Variants in MRC2 observed in about 807,000 individuals in gnomAD.
MRC2 encodes the protein mannose receptor C-type 2, also known as C-type mannose receptor 2.
In MRC2, 84 loss-of-function variants were observed where a neutral mutation model predicts 206.2. The observed-to-expected ratio is 0.41, with a 90% CI of 0.34 to 0.49. MRC2 has a LOEUF of 0.49. Ranked by LOEUF, MRC2 falls within the 20% of genes least tolerant of loss-of-function variation. The probability of loss-of-function intolerance (pLI) is 0.31; values close to 1 mark genes in which losing one functional copy is unlikely to be tolerated. For missense variants in MRC2, 1,676 were observed against 2,001.5 expected, an observed-to-expected ratio of 0.84 and a Z score of 3.10; for synonymous variants, 798 against 800.0, an observed-to-expected ratio of 1.00 and a Z score of 0.04.
intron 1 of MRC2, among the ~76,000 whole-genome samples, chr17:62,656,565 A>G (rs766416702): frequency 6.6e-6 from 1 of 152,232 alleles, no homozygotes; most frequent in Non-Finnish European, 1.5e-5. Context: ...AAAGCCCCCA[A>G]GGGAGCAGCC....
At chr17:62,686,214 AG>A (rs1451145908) in intron 20 of MRC2, among the ~76,000 whole-genome samples, 2 of 152,154 alleles carry the variant, frequency 1.3e-5, no homozygotes, top group Non-Finnish European at 2.9e-5. Flanking sequence ...GCACTTTGGG[AG>A]GCCTAGGTGG....
rs1045021498 is a variant in MRC2 at position 62,664,053 on chromosome 17, G to A, written c.119-495G>A. Reference sequence around the variant, plus strand: ...CGGCTCACTGCAAGCTCCGCCTCCCGGGTTCACGCCATTCTCCTGCCTCAG... The same window carrying A: ...CGGCTCACTGCAAGCTCCGCCTCCCAGGTTCACGCCATTCTCCTGCCTCAG... On this transcript the variant is annotated intron_variant, in intron 1 of 29. Transcript: ENST00000303375. The surrounding 1 kb of genome is among the most constrained non-coding windows in gnomAD (Gnocchi z 4.7). Among the ~76,000 whole-genome samples, 20 of 146,022 alleles carry A rather than the reference G, an allele frequency of 1.4e-4. No homozygotes were observed. In the South Asian group the frequency reaches 2.7e-3, roughly 20 times the overall value.
At chr17:62,634,325 G>C (rs2088284770) in intron 1 of MRC2, among the ~76,000 whole-genome samples, 1 of 151,816 alleles carries the variant, frequency 6.6e-6, no homozygotes, top group Non-Finnish European at 1.5e-5. Flanking sequence ...TTTTGAGATG[G>C]AGTCTCACTC....
At position 62,664,217 on chromosome 17, in the gene MRC2, C is replaced by T. The variant is rs1158205281; in HGVS notation, c.119-331C>T. ...CTCGTGATCCGCCCGCCTCGGCCTCCCAAAGTGCTGGGATTACAGGCGTGA... is the reference window on the plus strand; with the variant it reads ...CTCGTGATCCGCCCGCCTCGGCCTCTCAAAGTGCTGGGATTACAGGCGTGA... On this transcript the variant is annotated intron_variant, in intron 1 of 29. Coordinates refer to ENST00000303375, the MANE Select transcript of MRC2 (RefSeq NM_006039.5). This position sits in a 1 kb window ranked among gnomAD's most constrained non-coding sequence, Gnocchi z 4.7. Among the ~76,000 whole-genome samples the T allele has an allele frequency of 3.3e-5, 5 of 152,026 alleles. No homozygotes were observed. The highest frequency in any genetic ancestry group is 1.9e-4 in the East Asian group (1 of 5,172).
In MRC2 at chr17:62,680,427, T is replaced by G; in HGVS notation, c.2447T>G (p.Val816Gly). 6.2e-7 allele frequency: 1 copy of G among 1,614,086 alleles called. No individual in the cohort carries two copies. The highest frequency in any genetic ancestry group is 8.5e-7 in the Non-Finnish European group (1 of 1,179,994). The change falls in exon 16 of 30, where the codon GTG (valine) becomes GGG (glycine). Residue 816 changes from valine (V) to glycine (G), a missense_variant. Physicochemically the swap from Val to Gly is moderately radical, Grantham distance 109. Coordinates refer to ENST00000303375, the MANE Select transcript of MRC2 (RefSeq NM_006039.5). The surrounding 1 kb of genome is among the most constrained non-coding windows in gnomAD (Gnocchi z 4.8). ...WICKIPRGTDVREPDDSPQGR... is the reference protein window; with the variant it reads ...WICKIPRGTDGREPDDSPQGR... ...GTCCTTGTTCCCCTAGGTACGGACG[T>G]GCGGGAGCCCGACGACAGCCCTCAA... is the stretch of plus-strand genomic sequence containing the variant.
Position 62,691,135 on chromosome 17 carries a change from G to T in MRC2, c.4192+7G>T, listed in dbSNP as rs367702008. 6.3e-7 allele frequency: 1 copy of T among 1,593,382 alleles called. No homozygotes were observed. Among genetic ancestry groups the T allele is most frequent in the South Asian group, 1.1e-5 (1 of 87,944 alleles). Reference sequence around the variant, plus strand: ...GTCTGCAAGCTTCCTCGTGGTGAGCGCCGGGCAGGCCCACGCTCAGCCTCC... The same window carrying T: ...GTCTGCAAGCTTCCTCGTGGTGAGCTCCGGGCAGGCCCACGCTCAGCCTCC... On this transcript the variant is annotated splice_region_variant and intron_variant, in intron 28 of 29. Coordinates refer to ENST00000303375, the MANE Select transcript of MRC2 (RefSeq NM_006039.5).
At chr17:62,645,476 TA>T (rs1450341575) in intron 1 of MRC2, among the ~76,000 whole-genome samples, 1 of 133,206 alleles carries the variant, frequency 7.5e-6, no homozygotes, top group East Asian at 2.3e-4. Flanking sequence ...TATATACACA[TA>T]ATATGTGTGT....
At chr17:62,636,297 A>G (rs1325591276) in intron 1 of MRC2, among the ~76,000 whole-genome samples, 1 of 151,392 alleles carries the variant, frequency 6.6e-6, no homozygotes, top group Non-Finnish European at 1.5e-5. Flanking sequence ...AAACATTCAA[A>G]CCATACACAA....
At chr17:62,677,585 C>A in intron 12 of MRC2, 99 bp downstream of exon 12, 1 of 1,091,076 alleles carries the variant, frequency 9.2e-7, no homozygotes, top group Admixed American at 2.7e-5. Context: ...AATCCAGAGA[C>A]ACACCAGGCT....
intron 1 of MRC2, among the ~76,000 whole-genome samples, chr17:62,633,502 CAAAAAAAAAAA>C (rs999150702): frequency 2.7e-5 from 2 of 73,538 alleles, no homozygotes; most frequent in Non-Finnish European, 5.2e-5. Flanking sequence ...GACTCCGTCT[CAAAAAAAAAAA>C]AAAAAAAAAG....
chr17:62,680,014 C>A lies in MRC2; in HGVS notation c.2298+112C>A. 6.8e-7 allele frequency: 1 copy of A among 1,467,868 alleles called. No individual in the cohort carries two copies. The highest frequency in any genetic ancestry group is 9.2e-7 in the Non-Finnish European group (1 of 1,085,904). The allele number at this position is 1,467,868 out of a possible 1,614,324, so 90.9% of individuals were successfully genotyped here. A position where few individuals can be genotyped will look rare whatever the true frequency, so the allele number is the denominator to read the frequency against. On this transcript the variant is annotated intron_variant, in intron 14 of 29. Transcript: ENST00000303375. This position sits in a 1 kb window ranked among gnomAD's most constrained non-coding sequence, Gnocchi z 4.8. ...TTTTCTTGAGGGCCGGGCCCCCAGTCGGAGCCGGCTTCAGGAAAGCAGGTC... is the reference window on the plus strand; with the variant it reads ...TTTTCTTGAGGGCCGGGCCCCCAGTAGGAGCCGGCTTCAGGAAAGCAGGTC...
chr17:62,673,012 A>G (rs1166746187), intron 8 of MRC2, among the ~76,000 whole-genome samples: 2 of 151,454 alleles, frequency 1.3e-5, no homozygotes, highest in East Asian at 3.9e-4. Context: ...AAATAAAATA[A>G]AAAGGAGAAA....
intron 10 of MRC2, 104 bp from the exon 11 acceptor site, chr17:62,676,279 T>C (rs1360524774): frequency 1.9e-5 from 27 of 1,419,664 alleles, no homozygotes; most frequent in Non-Finnish European, 2.5e-5. Context: ...GAGCAAGTTA[T>C]TGGTCGGGTG....
rs188414903 is a variant in MRC2 at position 62,683,292 on chromosome 17, A to G, written c.2946+915A>G. Among the ~76,000 whole-genome samples the G allele has an allele frequency of 2.5e-3, 374 of 150,208 alleles. 1 individual carries two copies. The highest frequency in any genetic ancestry group is 8.9e-3 in the African/African-American group (364 of 40,906). The stretch of plus-strand genomic sequence containing the variant: ...GAGACCAGCCTGACCAACATGGAGA[A>G]ACCCCATCTCTACTAAAAATACAAA... On this transcript the variant is annotated intron_variant, in intron 20 of 29. Transcript: ENST00000303375.
chr17:62,688,908 C>T lies in MRC2; in HGVS notation c.3282C>T (p.Asp1094=), dbSNP rs77011456. 37,110 of 1,613,736 alleles carry T rather than the reference C, an allele frequency of 0.023. 512 individuals are homozygous for T. Among genetic ancestry groups the T allele is most frequent in the Non-Finnish European group, 0.025 (29,016 of 1,179,956 alleles). Residue 1094 remains aspartate, a synonymous_variant, in exon 23 of 30, where the codon GAC becomes GAT. Coordinates refer to ENST00000303375, the MANE Select transcript of MRC2 (RefSeq NM_006039.5). ...SPSAHFTGRW[D]DRSCTEETHG... ...CAGCCCACTTCACTGGCCGCTGGGA[C>T]GATCGGAGCTGCACGGAGGAGACCC...
rs767292884 is a variant in MRC2, at chr17:62,680,460, A to AC, written c.2473+13dup. 6.2e-7 allele frequency: 1 copy of AC among 1,613,490 alleles called. No homozygotes were observed. Among genetic ancestry groups the AC allele is most frequent in the Non-Finnish European group, 8.5e-7 (1 of 1,179,916 alleles). ...CCCGACGACAGCCCTCAAGGTGAGC[A>AC]CCCCCCAGCCCATCCCGCTACCCAT... On this transcript the variant is annotated splice_region_variant and intron_variant, in intron 16 of 29. Coordinates refer to ENST00000303375, the MANE Select transcript of MRC2 (RefSeq NM_006039.5). The surrounding 1 kb of genome is among the most constrained non-coding windows in gnomAD (Gnocchi z 4.8).
intron 1 of MRC2, among the ~76,000 whole-genome samples, chr17:62,656,336 C>T (rs773191793): frequency 6.6e-6 from 1 of 151,886 alleles, no homozygotes; most frequent in Non-Finnish European, 1.5e-5. Flanking sequence ...TGAGCCACCA[C>T]GCCCAGCCTA....
rs751539377 is a variant in MRC2 at position 62,674,155 on chromosome 17, C to G, written c.1554C>G (p.Asp518Glu). The change falls in exon 9 of 30, where the codon GAC becomes GAG. Residue 518 changes from aspartate (D) to glutamate (E), a missense_variant. Transcript: ENST00000303375. The stretch of plus-strand genomic sequence containing the variant: ...TGAGCCAGGGGGCCGCCGAGGAGGA[C>G]CATGGCTGCCGGAAGGTGAGGGTGT... ...GQLSQGAAEE[D>E]HGCRKGWTWH... The G allele has an allele frequency of 3.9e-6, 6 of 1,549,614 alleles. No homozygotes were observed. Among genetic ancestry groups the G allele is most frequent in the Non-Finnish European group, 5.2e-6 (6 of 1,146,264 alleles).
intron 11 of MRC2, 106 bp downstream of exon 11, chr17:62,676,637 T>G: frequency 7.2e-7 from 1 of 1,385,030 alleles, no homozygotes; most frequent in Non-Finnish European, 9.7e-7. Context: ...AGATCATTGG[T>G]GCACTGTGGT....
Sources: allele counts gnomAD v4.1 joint callset (sites outside exome capture counted in the v4.1 genomes callset), GRCh38; gene constraint gnomAD v4.1.1; non-coding constraint Gnocchi (gnomAD v3.1); transcripts MANE v1.5; gene names NCBI Gene and HGNC (gene_info 2026-07-23, HGNC 2026-07-21).